C9: variants seen among roughly 807,000 people sequenced by gnomAD.
The protein encoded by C9 is complement C9.
In C9, 63 loss-of-function variants were observed where a neutral mutation model predicts 65.4. The observed-to-expected ratio is 0.96, with a 90% confidence interval of 0.79 to 1.19. The LOEUF is 1.19. C9 is among the 50% of genes most tolerant of loss of function. C9 has a pLI of 0.00. For synonymous variants in C9, 229 were observed against 227.9 expected (o/e 1.00, Z -0.04); for missense variants, 744 against 670.1 (o/e 1.11, Z -1.22).
At chr5:39,321,481 A>G (rs1579857016) in intron 5 of C9, among the ~76,000 whole-genome samples, 1 of 152,056 alleles carries the variant, frequency 6.6e-6, no homozygotes, top group African/African-American at 2.4e-5. Context: ...ATCTAATCAC[A>G]AAGGAAGATA....
intron 1 of C9, among the ~76,000 whole-genome samples, chr5:39,360,500 A>G (rs1754496172): frequency 6.6e-6 from 1 of 152,204 alleles, no homozygotes; most frequent in Non-Finnish European, 1.5e-5. Context: ...ACTAAAACAT[A>G]CCACATAAAG....
chr5:39,294,528 C>A (rs1346371590), intron 9 of C9, among the ~76,000 whole-genome samples: 2 of 151,596 alleles, frequency 1.3e-5, no homozygotes, highest in African/African-American at 4.8e-5. Flanking sequence ...AAATAGAATA[C>A]CTGAATAGCC....
chr5:39,359,757 G>A (rs1420816401), intron 1 of C9, among the ~76,000 whole-genome samples: 1 of 152,214 alleles, frequency 6.6e-6, no homozygotes, highest in Non-Finnish European at 1.5e-5. Flanking sequence ...GGTGCAACAA[G>A]GGAACTTGAC....
chr5:39,346,082 T>C (rs1579875331), intron 1 of C9, among the ~76,000 whole-genome samples: 1 of 152,098 alleles, frequency 6.6e-6, no homozygotes, highest in Non-Finnish European at 1.5e-5. Context: ...AGATCTAAAA[T>C]TGACACCCTA....
chr5:39,317,912 G>A (rs1461159709), intron 5 of C9, among the ~76,000 whole-genome samples: 1 of 151,384 alleles, frequency 6.6e-6, no homozygotes, highest in Non-Finnish European at 1.5e-5. Context: ...AATGGTAATA[G>A]CATTGAATCT....
chr5:39,355,470 T>TA (rs398108845), intron 1 of C9, among the ~76,000 whole-genome samples: 17 of 151,944 alleles, frequency 1.1e-4, no homozygotes, highest in East Asian at 7.7e-4. Context: ...TGTTTTTTTT[T>TA]ATTAAAAGTA....
At position 39,331,695 on chromosome 5, in the gene C9, A is replaced by G; in HGVS notation, c.596T>C (p.Val199Ala). The G allele has an allele frequency of 6.2e-7, 1 of 1,614,046 alleles. No homozygotes were observed. The change falls in exon 5 of 11, where the codon GTG becomes GCG. Residue 199 changes from valine (V) to alanine (A), a missense_variant. Val to Ala is a moderately conservative substitution (Grantham distance 64). Transcript: ENST00000263408. ...ACTTACTTCATAGATCAAAGAAGCC[A>G]CGTTCCAAGGTCTTCGGTAGTATGT... ...TLTYYRRPWN[V>A]ASLIYETKGE...
chr5:39,364,339 T>A (rs754851238), intron 1 of C9, 49 bp downstream of exon 1: 30 of 1,018,196 alleles, frequency 2.9e-5, no homozygotes, highest in Non-Finnish European at 3.8e-5. Context: ...CTTGAGATGC[T>A]AATCCTACAG....
At chr5:39,348,916 C>G (rs1166651503) in intron 1 of C9, among the ~76,000 whole-genome samples, 1 of 148,830 alleles carries the variant, frequency 6.7e-6, no homozygotes, top group Non-Finnish European at 1.5e-5. Flanking sequence ...CAAACTATTG[C>G]AAGGACGAAA....
chr5:39,316,099 C>A, intron 5 of C9, 70 bp from the exon 6 acceptor site: 1 of 1,326,238 alleles, frequency 7.5e-7, no homozygotes, highest in East Asian at 2.4e-5. Flanking sequence ...CAGAACAGAA[C>A]CAAAGAGAAG....
intron 5 of C9, among the ~76,000 whole-genome samples, chr5:39,331,072 G>T (rs762935844): frequency 3.8e-4 from 58 of 152,102 alleles, no homozygotes; most frequent in Non-Finnish European, 8.1e-4. Context: ...AACAAAGAAA[G>T]AATTTCTAAA....
intron 10 of C9, among the ~76,000 whole-genome samples, chr5:39,285,595 A>T (rs974894167): frequency 6.6e-6 from 1 of 152,142 alleles, no homozygotes; most frequent in Non-Finnish European, 1.5e-5. Flanking sequence ...AATAACCAGT[A>T]GATTTTTTAA....
rs2111964430 is a variant in C9 at position 39,346,131 on chromosome 5, A to G, written c.78-3935T>C. ...AAGAACTAGAGAAGCAAGAGCAAAC[A>G]CATTCAAAAGCTAGCAGAAGGCAAG... On this transcript the variant is annotated intron_variant, in intron 1 of 10. Coordinates refer to ENST00000263408, the MANE Select transcript of C9 (RefSeq NM_001737.5). Among the ~76,000 whole-genome samples the G allele has an allele frequency of 2.0e-5, 3 of 152,330 alleles. No individual in the cohort carries two copies. In the East Asian group the frequency reaches 5.8e-4, roughly 29 times the overall value.
chr5:39,353,808 G>C (rs151085394), intron 1 of C9, among the ~76,000 whole-genome samples: 215 of 152,212 alleles, frequency 1.4e-3, no homozygotes, highest in Non-Finnish European at 2.1e-3. Flanking sequence ...TTCCTGTTTT[G>C]TTCAGCTTGA....
Position 39,363,908 on chromosome 5 carries a change from C to T in C9, c.77+480G>A, listed in dbSNP as rs58170840. Among the ~76,000 whole-genome samples, 412 of 152,274 alleles carry T rather than the reference C, an allele frequency of 2.7e-3. 3 individuals carry two copies. The highest frequency in any genetic ancestry group is 9.7e-3 in the African/African-American group (402 of 41,538). On this transcript the variant is annotated intron_variant, in intron 1 of 10. Coordinates refer to ENST00000263408, the MANE Select transcript of C9 (RefSeq NM_001737.5). ...AAATGGCCCTAAACAAAATGCATGC[C>T]TCTGAACACAACTCAGGATGTCAAG... is the stretch of plus-strand genomic sequence containing the variant.
Position 39,284,285 on chromosome 5 carries a change from T to A in C9, c.*914A>T, listed in dbSNP as rs1463269156. 6.6e-6 allele frequency: 1 copy of A among 152,198 alleles called. No homozygotes were observed. The highest frequency in any genetic ancestry group is 2.4e-5 in the African/African-American group (1 of 41,452). The allele number at this position is 152,198 out of a possible 1,614,324, so 9.4% of individuals were successfully genotyped here. A position where few individuals can be genotyped will look rare whatever the true frequency, so the allele number is the denominator to read the frequency against. On this transcript the variant is annotated 3_prime_UTR_variant, in exon 11 of 11. Coordinates refer to ENST00000263408, the MANE Select transcript of C9 (RefSeq NM_001737.5). ...TCTTTTCTTTCTTTCTTTCCTTTTT[T>A]TAAAGAGTTCTCAGACCTTTCAAAA... is the stretch of plus-strand genomic sequence containing the variant.
chr5:39,286,507 G>A (rs1031118242), intron 10 of C9, among the ~76,000 whole-genome samples: 1 of 151,844 alleles, frequency 6.6e-6, no homozygotes, highest in African/African-American at 2.4e-5. Flanking sequence ...AATTGAAAAA[G>A]AACCAAATCA....
At chr5:39,341,787 G>C in intron 2 of C9, 87 bp from the exon 3 acceptor site, 14 of 1,184,912 alleles carry the variant, frequency 1.2e-5, no homozygotes, top group Non-Finnish European at 1.7e-5. Flanking sequence ...CTATATCCCT[G>C]CAATGAGTCA....
chr5:39,361,508 C>G (rs1754521699), intron 1 of C9, among the ~76,000 whole-genome samples: 1 of 152,208 alleles, frequency 6.6e-6, no homozygotes, highest in Non-Finnish European at 1.5e-5. Flanking sequence ...TGGCACTGTG[C>G]TAAGCATGTT....
Sources: gnomAD v4.1 joint callset for allele counts (sites outside exome capture counted in the v4.1 genomes callset) on GRCh38, gnomAD v4.1.1 for gene constraint, MANE v1.5 for transcripts, NCBI Gene and HGNC (gene_info 2026-07-23, HGNC 2026-07-21) for gene names.